Variants in PCDHA3 observed in about 807,000 individuals in gnomAD.
PCDHA3 encodes protocadherin alpha 3.
PCDHA3 carries 41 observed loss-of-function variants against 62.2 expected under a neutral mutation model. The observed-to-expected ratio is 0.66, with a 90% CI of 0.51 to 0.86. The LOEUF (loss-of-function observed/expected upper bound fraction) is 0.86, where lower values mean the gene tolerates loss of function less well. Ranked by LOEUF, PCDHA3 falls within the 40% of genes least tolerant of loss-of-function variation. The pLI is 0.00. For missense variants in PCDHA3, 1,304 were observed against 1,241.2 expected (o/e 1.05, Z -0.76); for synonymous variants, 640 against 555.4 (o/e 1.15, Z -2.14).
intron 1 of PCDHA3, among the ~76,000 whole-genome samples, chr5:140,935,657 T>C (rs2090486652): frequency 1.3e-5 from 2 of 152,176 alleles, no homozygotes; most frequent in Non-Finnish European, 2.9e-5. Flanking sequence ...TTTAATTTTC[T>C]TTTATAATTA....
intron 1 of PCDHA3, chr5:140,829,495 C>A: frequency 6.2e-7 from 1 of 1,613,650 alleles, no homozygotes; most frequent in Non-Finnish European, 8.5e-7. Flanking sequence ...AGGAGAACAA[C>A]CCGCCGGGCT....
chr5:140,891,311 T>C (rs563637309), intron 1 of PCDHA3, among the ~76,000 whole-genome samples: 1 of 152,216 alleles, frequency 6.6e-6, no homozygotes, highest in African/African-American at 2.4e-5. Context: ...ATTACATGAG[T>C]AAGTTCTTTG....
intron 1 of PCDHA3, chr5:140,870,270 G>C (rs139719896): frequency 0.022 from 34,719 of 1,614,158 alleles, 446 homozygotes; most frequent in African/African-American, 0.029. Flanking sequence ...GCTCGCTGAC[G>C]CCCCACGTTC....
rs148479176 is a variant in PCDHA3, at chr5:140,884,341, G to A, written c.2394+80750G>A. 6.0e-4 allele frequency: 973 copies of A among 1,613,910 alleles called. 19 individuals carry two copies. In the South Asian group the frequency reaches 7.4e-3, roughly 12 times the overall value. On this transcript the variant is annotated intron_variant, in intron 1 of 3. Transcript: ENST00000522353. ...CGGCAGGCGCTGTGGGTCCAGAAGC[G>A]GCGCTGGTGGATGTCAATGTTTACT...
chr5:140,900,927 G>A (rs2068371563), intron 1 of PCDHA3, among the ~76,000 whole-genome samples: 2 of 152,056 alleles, frequency 1.3e-5, no homozygotes, highest in South Asian at 4.1e-4. Context: ...ATATCTCATT[G>A]TAGTTTTGAT....
intron 1 of PCDHA3, among the ~76,000 whole-genome samples, chr5:140,837,613 G>A (rs1775147694): frequency 6.7e-6 from 1 of 149,168 alleles, no homozygotes. Flanking sequence ...TTTATAATTT[G>A]CCCCTTCCTT....
chr5:140,947,756 T>A (rs1354995389), intron 1 of PCDHA3, among the ~76,000 whole-genome samples: 1 of 151,644 alleles, frequency 6.6e-6, no homozygotes, highest in Non-Finnish European at 1.5e-5. Flanking sequence ...TATTTTATGG[T>A]TTAAAAAATT....
chr5:140,854,117 G>T, intron 1 of PCDHA3: 1 of 316,936 alleles, frequency 3.2e-6, no homozygotes, highest in Non-Finnish European at 4.3e-6. Flanking sequence ...AACTGTGATG[G>T]CACAACTGCA....
At chr5:140,945,955 A>C (rs1174972799) in intron 1 of PCDHA3, among the ~76,000 whole-genome samples, 2 of 152,136 alleles carry the variant, frequency 1.3e-5, no homozygotes, top group African/African-American at 4.8e-5. Context: ...TGACCCTGAA[A>C]GCACAGGCAA....
chr5:140,819,959 T>C (rs971772781), intron 1 of PCDHA3, among the ~76,000 whole-genome samples: 3 of 152,026 alleles, frequency 2.0e-5, no homozygotes, highest in Non-Finnish European at 4.4e-5. Flanking sequence ...TAATATTTAC[T>C]TTTTTCAAAG....
At position 140,803,247 on chromosome 5, in the gene PCDHA3, G is replaced by C; in HGVS notation, c.2050G>C (p.Ala684Pro). 2 of 1,613,830 alleles carry C rather than the reference G, an allele frequency of 1.2e-6. No individual in the cohort carries two copies. The highest frequency in any genetic ancestry group is 1.7e-6 in the Non-Finnish European group (2 of 1,179,944). Residue 684 changes from alanine (A) to proline (P), a missense_variant, in exon 1 of 4, where the codon GCT becomes CCT. Ala to Pro is a conservative substitution (Grantham distance 27). Coordinates refer to ENST00000522353, the MANE Select transcript of PCDHA3 (RefSeq NM_018906.3). ...ACCCAAGGCCTCGTCCCAGGCGTCC[G>C]CTGGCGCCACGGGCCCGGAAGCTGC... ...QAPKASSQAS[A>P]GATGPEAALV...
At chr5:140,893,616 G>C (rs1431019657) in intron 1 of PCDHA3, among the ~76,000 whole-genome samples, 3 of 152,188 alleles carry the variant, frequency 2.0e-5, no homozygotes, top group African/African-American at 7.2e-5. Context: ...CATTTCTGAA[G>C]TATAGCTCTG....
chr5:140,866,420 T>C (rs2049348301), intron 1 of PCDHA3: 1 of 152,148 alleles, frequency 6.6e-6, no homozygotes, highest in African/African-American at 2.4e-5. Context: ...CAAATGTGTG[T>C]AGGTCTTTCA....
At position 140,859,297 on chromosome 5, in the gene PCDHA3, G is replaced by A. The variant is rs918204885; in HGVS notation, c.2394+55706G>A. 281 of 128,994 alleles carry A rather than the reference G, an allele frequency of 2.2e-3. 12 individuals are homozygous for A. The highest frequency in any genetic ancestry group is 7.5e-3 in the African/African-American group (274 of 36,598). The allele number at this position is 128,994 out of a possible 1,614,324, so 8.0% of individuals were successfully genotyped here. A position where few individuals can be genotyped will look rare whatever the true frequency, so the allele number is the denominator to read the frequency against. On this transcript the variant is annotated intron_variant, in intron 1 of 3. Coordinates refer to ENST00000522353, the MANE Select transcript of PCDHA3 (RefSeq NM_018906.3). Reference sequence around the variant, plus strand: ...TACTTTTGAGACTGAAAATACTTTAGTATGAATTAATATTAAAAGTTTGAG... The same window carrying A: ...TACTTTTGAGACTGAAAATACTTTAATATGAATTAATATTAAAAGTTTGAG...
At chr5:140,928,160 C>G (rs782224079) in intron 1 of PCDHA3, 1 of 1,614,096 alleles carries the variant, frequency 6.2e-7, no homozygotes, top group Non-Finnish European at 8.5e-7. Flanking sequence ...AGTGGCTCAC[C>G]CCCACTTAGC....
chr5:140,894,886 G>T (rs2153448289), intron 1 of PCDHA3, among the ~76,000 whole-genome samples: 1 of 152,202 alleles, frequency 6.6e-6, no homozygotes, highest in South Asian at 2.1e-4. Flanking sequence ...AGAAGAAACA[G>T]ACCAGGATAA....
At chr5:140,807,192 A>ACTCC (rs1554123783) in intron 1 of PCDHA3, 2 of 1,613,220 alleles carry the variant, frequency 1.2e-6, no homozygotes, top group African/African-American at 2.7e-5. Context: ...CTAAAGATGG[A>ACTCC]GTTTTCCTGG....
chr5:140,891,096 T>A (rs926770209), intron 1 of PCDHA3, among the ~76,000 whole-genome samples: 1 of 152,210 alleles, frequency 6.6e-6, no homozygotes, highest in African/African-American at 2.4e-5. Context: ...ATTGTTGCTG[T>A]CAAGAATTTA....
At chr5:140,863,416 C>G (rs782237036) in intron 1 of PCDHA3, 14 of 719,640 alleles carry the variant, frequency 1.9e-5, no homozygotes, top group African/African-American at 3.6e-5. Context: ...GCTGGTGTAC[C>G]GCAGCGTAGT....
Sources: allele counts gnomAD v4.1 joint callset (sites outside exome capture counted in the v4.1 genomes callset), GRCh38; gene constraint gnomAD v4.1.1; transcripts MANE v1.5; gene names NCBI Gene and HGNC (gene_info 2026-07-23, HGNC 2026-07-21).